The following GPM6A variants were observed in gnomAD, a reference collection of about 807,000 sequenced individuals.
The protein encoded by GPM6A is neuronal membrane glycoprotein M6-a.
A neutral mutation model predicts 32.1 loss-of-function variants in GPM6A; 7 were observed. The ratio of observed to expected loss-of-function variants is 0.22; its 90% CI spans 0.12 to 0.41. The LOEUF (loss-of-function observed/expected upper bound fraction) is 0.41. GPM6A is among the 10% of genes least tolerant of loss of function. The pLI, the probability that GPM6A is intolerant of heterozygous loss-of-function variation, is 1.00. For missense variants in GPM6A, 235 were observed against 347.2 expected (o/e 0.68, Z 2.57); for synonymous variants, 130 against 123.4 (o/e 1.05, Z -0.35).
At chr4:175,768,965 G>T (rs1464117895) in intron 1 of GPM6A, among the ~76,000 whole-genome samples, 1 of 151,962 alleles carries the variant, frequency 6.6e-6, no homozygotes, top group Non-Finnish European at 1.5e-5. Flanking sequence ...CGTGGTGGTG[G>T]GCGCCTGTAA....
chr4:175,800,886 T>A (rs933407494), intron 1 of GPM6A: 3 of 197,494 alleles, frequency 1.5e-5, no homozygotes, highest in Non-Finnish European at 3.5e-5. Flanking sequence ...GCCACATGTA[T>A]GGAAAATGAT....
chr4:175,802,080 C>T (rs903156180), intron 1 of GPM6A, among the ~76,000 whole-genome samples: 3 of 152,026 alleles, frequency 2.0e-5, no homozygotes, highest in African/African-American at 7.2e-5. Context: ...CATGGAAATA[C>T]ATGCTTGCTG....
chr4:175,654,544 T>C (rs997417836), intron 3 of GPM6A, among the ~76,000 whole-genome samples: 3 of 152,294 alleles, frequency 2.0e-5, no homozygotes, highest in Non-Finnish European at 2.9e-5. Context: ...TATGTAATTA[T>C]GTAATTCTAT....
intron 4 of GPM6A, chr4:175,642,228 C>T (rs1290282189): frequency 6.6e-6 from 1 of 152,184 alleles, no homozygotes; most frequent in Non-Finnish European, 1.5e-5. Context: ...AGGGTTCTCT[C>T]ATGAGATTTC....
chr4:175,910,225 A>C (rs1266502039), intron 1 of GPM6A, among the ~76,000 whole-genome samples: 1 of 152,178 alleles, frequency 6.6e-6, no homozygotes, highest in African/African-American at 2.4e-5. Context: ...CTGACCCTTG[A>C]AAAAATGTGT....
upstream of GPM6A, among the ~76,000 whole-genome samples, chr4:175,816,896 A>G (rs1735117984): frequency 6.6e-6 from 1 of 151,698 alleles, no homozygotes; most frequent in South Asian, 2.1e-4. Flanking sequence ...AGTCTCGCTC[A>G]AAGCCCAGGC....
chr4:175,843,386 C>T (rs1480801835), intron 1 of GPM6A, among the ~76,000 whole-genome samples: 1 of 152,188 alleles, frequency 6.6e-6, no homozygotes, highest in African/African-American at 2.4e-5. Flanking sequence ...GAGGCCCCTG[C>T]CTTCAGAGCA....
intron 1 of GPM6A, among the ~76,000 whole-genome samples, chr4:175,980,619 T>C (rs1457231490): frequency 6.6e-6 from 1 of 152,214 alleles, no homozygotes; most frequent in Non-Finnish European, 1.5e-5. Context: ...TGATGGATTA[T>C]AATAATATTT....
rs918971597 is a variant in GPM6A at position 175,785,866 on chromosome 4, C to T, written c.37+26325G>A. On this transcript the variant is annotated intron_variant, in intron 1 of 6. Coordinates refer to ENST00000393658, the MANE Select transcript of GPM6A (RefSeq NM_201591.3). ...AGCCAATCACCATGGCTGGGCAAGG[C>T]GGATTCAATGAGGAACAAGATGGAA... 4.6e-5 allele frequency among the ~76,000 whole-genome samples: 7 copies of T among 152,042 alleles called. 1 individual carries two copies. The South Asian group carries it at 6.2e-4, about 14-fold the overall frequency.
chr4:175,750,778 T>C (rs1190798086), intron 1 of GPM6A, among the ~76,000 whole-genome samples: 4 of 152,022 alleles, frequency 2.6e-5, no homozygotes, highest in Non-Finnish European at 5.9e-5. Context: ...TTCTCCATGT[T>C]GGCCGGGCTG....
chr4:175,998,912 T>C (rs1444815567), intron 1 of GPM6A, among the ~76,000 whole-genome samples: 1 of 151,812 alleles, frequency 6.6e-6, no homozygotes, highest in African/African-American at 2.4e-5. Context: ...CCTCCTATCA[T>C]TGCTTTTAAA....
intron 1 of GPM6A, among the ~76,000 whole-genome samples, chr4:175,858,537 A>G (rs888315121): frequency 1.1e-4 from 16 of 148,746 alleles, no homozygotes; most frequent in Admixed American, 2.0e-4. Flanking sequence ...GTTTCAAAAA[A>G]AAAAAAAAGA....
At chr4:175,944,233 CA>C (rs1223460146) in intron 1 of GPM6A, among the ~76,000 whole-genome samples, 1 of 151,920 alleles carries the variant, frequency 6.6e-6, no homozygotes, top group Non-Finnish European at 1.5e-5. Flanking sequence ...AATAAAGTGC[CA>C]AAAAACAAGC....
chr4:175,693,983 C>T (rs1425194361), intron 2 of GPM6A, among the ~76,000 whole-genome samples: 1 of 152,026 alleles, frequency 6.6e-6, no homozygotes, highest in Non-Finnish European at 1.5e-5. Context: ...GCACCTCCCC[C>T]TACTCTCTCT....
intron 1 of GPM6A, among the ~76,000 whole-genome samples, chr4:175,777,849 T>A (rs931419030): frequency 2.6e-4 from 40 of 152,268 alleles, no homozygotes; most frequent in East Asian, 5.8e-4. Flanking sequence ...TAATAAAAAA[T>A]TTTTTTAATC....
At chr4:175,965,498 A>G (rs1388776996) in intron 1 of GPM6A, among the ~76,000 whole-genome samples, 6 of 152,178 alleles carry the variant, frequency 3.9e-5, no homozygotes, top group East Asian at 1.9e-4. Flanking sequence ...ATGAAACCAT[A>G]GAATGGTTCT....
chr4:175,777,863 C>T (rs905921258), intron 1 of GPM6A, among the ~76,000 whole-genome samples: 17 of 152,086 alleles, frequency 1.1e-4, no homozygotes, highest in African/African-American at 3.4e-4. Context: ...TTTAATCCCT[C>T]AGATTATATG....
chr4:175,922,203 C>A (rs574194698), intron 1 of GPM6A, among the ~76,000 whole-genome samples: 2 of 152,250 alleles, frequency 1.3e-5, no homozygotes, highest in Admixed American at 1.3e-4. Flanking sequence ...ACATGTTAGA[C>A]CCTCAATTCA....
chr4:175,637,825 AT>A (rs1740890414), intron 6 of GPM6A, among the ~76,000 whole-genome samples: 1 of 118,048 alleles, frequency 8.5e-6, no homozygotes, highest in Non-Finnish European at 1.6e-5. Context: ...TATATTATAT[AT>A]AAAAATATAT....
Sources: gnomAD v4.1 joint callset for allele counts (sites outside exome capture counted in the v4.1 genomes callset) on GRCh38, gnomAD v4.1.1 for gene constraint, MANE v1.5 for transcripts, NCBI Gene and HGNC (gene_info 2026-07-23, HGNC 2026-07-21) for gene names.